Variants in ZNF385D observed in about 807,000 individuals in gnomAD.
ZNF385D encodes the protein zinc finger protein 385D, also known as zinc finger protein 659.
A neutral mutation model predicts 35.8 loss-of-function variants in ZNF385D; 15 were observed. The ratio of observed to expected loss-of-function variants is 0.42; its 90% CI spans 0.28 to 0.64. ZNF385D has a LOEUF of 0.64. ZNF385D is among the 30% of genes least tolerant of loss of function. ZNF385D has a pLI of 0.23. For synonymous variants in ZNF385D, 212 were observed against 186.8 expected (o/e 1.13, Z -1.10); for missense variants, 474 against 494.6 (o/e 0.96, Z 0.39).
chr3:21,838,891 T>A (rs1417925700), intron 3 of ZNF385D, among the ~76,000 whole-genome samples: 2 of 152,052 alleles, frequency 1.3e-5, no homozygotes, highest in Admixed American at 6.6e-5. Context: ...CTCATAATAA[T>A]AACACCACAA....
At chr3:22,017,348 A>G (rs1450021985) in intron 3 of ZNF385D, among the ~76,000 whole-genome samples, 2 of 152,022 alleles carry the variant, frequency 1.3e-5, no homozygotes, top group African/African-American at 4.8e-5. Flanking sequence ...TAGCAATGCT[A>G]TACCACTGTT....
At chr3:21,511,804 G>A (rs1212590959) in intron 3 of ZNF385D, 1 of 450,338 alleles carries the variant, frequency 2.2e-6, no homozygotes, top group Non-Finnish European at 4.4e-6. Context: ...ATTTTCTCAT[G>A]TTTTATTTTC....
chr3:21,903,715 C>T (rs1047501743), intron 3 of ZNF385D, among the ~76,000 whole-genome samples: 4 of 152,216 alleles, frequency 2.6e-5, no homozygotes, highest in African/African-American at 4.8e-5. Flanking sequence ...TCCATGAACA[C>T]GTCTCTCTGG....
chr3:21,887,532 A>C (rs1408728777), intron 3 of ZNF385D, among the ~76,000 whole-genome samples: 3 of 152,148 alleles, frequency 2.0e-5, no homozygotes, highest in South Asian at 4.1e-4. Context: ...AAATTATTAT[A>C]TGTCAACTTC....
In ZNF385D at chr3:21,519,368, T is replaced by C. The variant is rs139548281; in HGVS notation, c.277-8345A>G. ...TTTTCAAAGCTTCTCAACTCATCTA[T>C]AAACTTCACCATTCCTTAACATTAG... On this transcript the variant is annotated intron_variant, in intron 3 of 7. Transcript: ENST00000281523. Among the ~76,000 whole-genome samples the C allele has an allele frequency of 7.2e-5, 11 of 152,316 alleles. No homozygotes were observed. In the East Asian group the frequency reaches 1.7e-3, roughly 24 times the overall value.
intron 2 of ZNF385D, among the ~76,000 whole-genome samples, chr3:22,323,106 C>T (rs1488546253): frequency 6.6e-6 from 1 of 151,910 alleles, no homozygotes; most frequent in Admixed American, 6.6e-5. Context: ...GGTTGCTAGG[C>T]TTATTAGGGG....
chr3:22,015,909 A>G (rs1696858228), intron 3 of ZNF385D, among the ~76,000 whole-genome samples: 1 of 152,092 alleles, frequency 6.6e-6, no homozygotes, highest in Non-Finnish European at 1.5e-5. Context: ...CGTTCCTGAA[A>G]AAAAGACATC....
intron 3 of ZNF385D, chr3:21,961,367 A>T (rs1702582548): frequency 6.6e-6 from 1 of 152,130 alleles, no homozygotes; most frequent in Non-Finnish European, 1.5e-5. Context: ...AAAATATTCG[A>T]CTTAATAAAA....
chr3:22,010,498 T>C (rs1381990123), intron 3 of ZNF385D, among the ~76,000 whole-genome samples: 2 of 152,198 alleles, frequency 1.3e-5, no homozygotes, highest in Non-Finnish European at 2.9e-5. Flanking sequence ...ACCTATTGAG[T>C]TTCCTCTATC....
At position 21,653,820 on chromosome 3, in the gene ZNF385D, G is replaced by A. The variant is rs575694198; in HGVS notation, c.165+11066C>T. Among the ~76,000 whole-genome samples the A allele has an allele frequency of 2.6e-5, 4 of 152,052 alleles. No homozygotes were observed. The South Asian group carries it at 8.3e-4, about 32-fold the overall frequency. ...AGAGCTCCAAAAGCTCCATCTATCT[G>A]AGTACATAAATTCTATATATGTTAG... On this transcript the variant is annotated intron_variant, in intron 2 of 7. Coordinates refer to ENST00000281523, the MANE Select transcript of ZNF385D (RefSeq NM_024697.3).
intron 3 of ZNF385D, among the ~76,000 whole-genome samples, chr3:22,006,882 A>G (rs1277862366): frequency 2.0e-5 from 3 of 152,064 alleles, no homozygotes; most frequent in African/African-American, 4.8e-5. Context: ...ATCAGAAACC[A>G]AGAGAACTGT....
intron 3 of ZNF385D, among the ~76,000 whole-genome samples, chr3:21,562,368 CA>C (rs1300952194): frequency 6.6e-6 from 1 of 152,040 alleles, no homozygotes; most frequent in African/African-American, 2.4e-5. Flanking sequence ...AATTTGACAT[CA>C]ATCTACAGAA....
intron 2 of ZNF385D, among the ~76,000 whole-genome samples, chr3:21,565,275 G>A (rs553499206): frequency 2.0e-5 from 3 of 152,104 alleles, no homozygotes; most frequent in Admixed American, 1.3e-4. Context: ...TTATTGGGGG[G>A]TGCCAAGGGA....
intron 2 of ZNF385D, among the ~76,000 whole-genome samples, chr3:22,350,709 G>A (rs994727515): frequency 1.2e-4 from 18 of 151,874 alleles, no homozygotes; most frequent in African/African-American, 2.7e-4. Flanking sequence ...TTTCACATGC[G>A]ATTATAACTT....
chr3:21,892,730 C>CGAAGTAG (rs1698936167), intron 3 of ZNF385D, among the ~76,000 whole-genome samples: 1 of 152,088 alleles, frequency 6.6e-6, no homozygotes, highest in Admixed American at 6.6e-5. Flanking sequence ...TCTTTTACCT[C>CGAAGTAG]AATTGGTCTA....
chr3:21,516,203 T>A (rs1287795525), intron 3 of ZNF385D, among the ~76,000 whole-genome samples: 1 of 152,206 alleles, frequency 6.6e-6, no homozygotes, highest in Admixed American at 6.6e-5. Context: ...AGTGATAACT[T>A]GAGTTCTCCC....
At chr3:22,085,596 C>T (rs1700987802) in intron 3 of ZNF385D, among the ~76,000 whole-genome samples, 1 of 152,048 alleles carries the variant, frequency 6.6e-6, no homozygotes, top group Admixed American at 6.5e-5. Flanking sequence ...AGCCTACCAA[C>T]CAAAAAAAGT....
rs77014526 is a variant in ZNF385D at position 21,978,788 on chromosome 3, T to C, written c.325+190029A>G. 5.5e-4 allele frequency among the ~76,000 whole-genome samples: 83 copies of C among 152,286 alleles called. No homozygotes were observed. In the East Asian group the frequency reaches 0.012, roughly 22 times the overall value. ...TCGGGGAGCAAGGCTAGATGGCATG[T>C]GAAAGGCATGTTTAGGTGCTCAGCA... On this transcript the variant is annotated intron_variant, in intron 3 of 5. Coordinates refer to the ZNF385D transcript ENST00000494108.
intron 3 of ZNF385D, among the ~76,000 whole-genome samples, chr3:22,149,103 T>G (rs1705058554): frequency 6.6e-6 from 1 of 152,158 alleles, no homozygotes; most frequent in African/African-American, 2.4e-5. Flanking sequence ...TGGTTAGAAA[T>G]GCAGGATCTC....
Sources: gnomAD v4.1 joint callset for allele counts (sites outside exome capture counted in the v4.1 genomes callset) on GRCh38, gnomAD v4.1.1 for gene constraint, MANE v1.5 for transcripts, NCBI Gene and HGNC (gene_info 2026-07-23, HGNC 2026-07-21) for gene names.